STARD10: variants seen among roughly 807,000 people sequenced by gnomAD.
STARD10 encodes StAR related lipid transfer domain containing 10.
STARD10 carries 24 observed loss-of-function variants against 36.0 expected under a neutral mutation model. The observed-to-expected ratio is 0.67, with a 90% CI of 0.48 to 0.94. STARD10 has a LOEUF of 0.94. Among genes scored for constraint, STARD10 ranks in the 40% least tolerant of loss-of-function variants. The pLI is 0.00. For synonymous variants in STARD10, 156 were observed against 161.9 expected, an observed-to-expected ratio of 0.96 and a Z score of 0.28; for missense variants, 335 against 396.6, an observed-to-expected ratio of 0.84 and a Z score of 1.32.
chr11:72,781,068 C>A lies in STARD10; in HGVS notation c.114G>T (p.Glu38Asp), dbSNP rs1411430576. Reference protein sequence around the residue: ...QDFRSFRSECEAEVGWNLTYS... With the variant: ...QDFRSFRSECDAEVGWNLTYS... ...AGGTCAGGTTCCAGCCCACCTCAGCCTCACACTCTGACCGGAAGCTGCGAA... is the reference window on the plus strand; with the variant it reads ...AGGTCAGGTTCCAGCCCACCTCAGCATCACACTCTGACCGGAAGCTGCGAA... Residue 38 changes from glutamate (E) to aspartate (D), a missense_variant, in exon 2 of 7, where the codon GAG (glutamate) becomes GAT (aspartate). Coordinates refer to ENST00000334805, the MANE Select transcript of STARD10 (RefSeq NM_006645.3). This position sits in a 1 kb window ranked among gnomAD's most constrained non-coding sequence, Gnocchi z 4.7. 1.2e-6 allele frequency: 2 copies of A among 1,614,186 alleles called. No individual in the cohort carries two copies. The highest frequency in any genetic ancestry group is 1.1e-5 in the South Asian group (1 of 91,092).
chr11:72,788,003 G>T (rs533673032), intron 1 of STARD10, among the ~76,000 whole-genome samples: 7 of 147,344 alleles, frequency 4.8e-5, no homozygotes, highest in Admixed American at 2.7e-4. Flanking sequence ...GAGAGGTTTG[G>T]GGGGGGCAGC....
At chr11:72,769,835 T>C (rs1460021303) in intron 2 of STARD10, among the ~76,000 whole-genome samples, 1 of 152,192 alleles carries the variant, frequency 6.6e-6, no homozygotes, top group Non-Finnish European at 1.5e-5. Context: ...AAGAGTGACA[T>C]CACCCTAATG....
At chr11:72,772,772 C>T (rs780064316) in intron 2 of STARD10, among the ~76,000 whole-genome samples, 6 of 152,190 alleles carry the variant, frequency 3.9e-5, no homozygotes, top group Non-Finnish European at 7.3e-5. Flanking sequence ...TGAACCCCTG[C>T]CACAGGGGAG....
At chr11:72,790,557 T>C (rs937249039) in intron 1 of STARD10, among the ~76,000 whole-genome samples, 1 of 152,156 alleles carries the variant, frequency 6.6e-6, no homozygotes, top group Non-Finnish European at 1.5e-5. Context: ...CCCTGCTCCA[T>C]GAGGGGAAAC....
At chr11:72,787,733 TG>T (rs1859092154) in intron 1 of STARD10, among the ~76,000 whole-genome samples, 1 of 152,140 alleles carries the variant, frequency 6.6e-6, no homozygotes, top group Non-Finnish European at 1.5e-5. Flanking sequence ...GTGCTCAGGC[TG>T]GGTGGGGGTG....
intron 1 of STARD10, among the ~76,000 whole-genome samples, chr11:72,789,592 C>A (rs1859115983): frequency 6.6e-6 from 1 of 152,220 alleles, no homozygotes; most frequent in African/African-American, 2.4e-5. Context: ...CACAGGGGGT[C>A]TGGCCATGTC....
chr11:72,784,058 C>T (rs1462482829), intron 1 of STARD10, among the ~76,000 whole-genome samples: 1 of 152,182 alleles, frequency 6.6e-6, no homozygotes, highest in Non-Finnish European at 1.5e-5. Context: ...AGGGTATCAC[C>T]TCATTCTACT....
At chr11:72,789,596 C>T (rs761907648) in intron 1 of STARD10, among the ~76,000 whole-genome samples, 1 of 152,224 alleles carries the variant, frequency 6.6e-6, no homozygotes, top group Non-Finnish European at 1.5e-5. Flanking sequence ...GGGGGTCTGG[C>T]CATGTCTAGC....
At chr11:72,761,763 A>G (rs1858718601) in intron 2 of STARD10, among the ~76,000 whole-genome samples, 1 of 151,976 alleles carries the variant, frequency 6.6e-6, no homozygotes, top group Admixed American at 6.6e-5. Flanking sequence ...ACAAAAAAAA[A>G]GCAGCATAAC....
In STARD10 at chr11:72,759,233, C is replaced by T. The variant is rs1400885216; in HGVS notation, c.355+1G>A. The T allele has an allele frequency of 6.2e-7, 1 of 1,614,026 alleles. No individual in the cohort carries two copies. Among genetic ancestry groups the T allele is most frequent in the South Asian group, 1.1e-5 (1 of 91,048 alleles). On this transcript the variant is annotated splice_donor_variant, in intron 3 of 6. Coordinates refer to ENST00000334805, the MANE Select transcript of STARD10 (RefSeq NM_006645.3). LOFTEE classifies it high-confidence loss of function. ...GGGATCAGCGTGCTACGCCTGCTCA[C>T]AGGAGTAATAGCCCACGTCAGCGTT...
chr11:72,761,988 C>T (rs1446343953), intron 2 of STARD10, among the ~76,000 whole-genome samples: 7 of 130,194 alleles, frequency 5.4e-5, no homozygotes, highest in African/African-American at 1.2e-4. Context: ...TGCAATGACA[C>T]GATCTTGGCT....
intron 2 of STARD10, among the ~76,000 whole-genome samples, chr11:72,769,809 C>A (rs1353879429): frequency 6.6e-6 from 1 of 152,204 alleles, no homozygotes; most frequent in Non-Finnish European, 1.5e-5. Flanking sequence ...CTACCAGCAG[C>A]AGCCCCAGTT....
Position 72,759,222 on chromosome 11 carries a change from A to C in STARD10, c.355+12T>G, listed in dbSNP as rs1858685509. The C allele has an allele frequency of 1.2e-6, 2 of 1,613,706 alleles. No individual in the cohort carries two copies. Among genetic ancestry groups the C allele is most frequent in the Non-Finnish European group, 1.7e-6 (2 of 1,179,890 alleles). On this transcript the variant is annotated intron_variant, in intron 3 of 6. Coordinates refer to ENST00000334805, the MANE Select transcript of STARD10 (RefSeq NM_006645.3). ...CCAAGGGGACTGGGATCAGCGTGCT[A>C]CGCCTGCTCACAGGAGTAATAGCCC...
At chr11:72,761,310 A>G (rs1858713560) in intron 2 of STARD10, among the ~76,000 whole-genome samples, 1 of 152,188 alleles carries the variant, frequency 6.6e-6, no homozygotes, top group Non-Finnish European at 1.5e-5. Context: ...TAACAACCAC[A>G]TGTAAAGTGT....
At chr11:72,772,018 T>C (rs1858865050) in intron 2 of STARD10, among the ~76,000 whole-genome samples, 2 of 152,114 alleles carry the variant, frequency 1.3e-5, no homozygotes, top group African/African-American at 2.4e-5. Flanking sequence ...AGCTCTCCAG[T>C]AAAGTTCCAG....
intron 4 of STARD10, 60 bp from the exon 5 acceptor site, chr11:72,757,944 TGAGTATACACAAACG>T: frequency 6.8e-7 from 1 of 1,480,544 alleles, no homozygotes; most frequent in Non-Finnish European, 9.4e-7. Flanking sequence ...GATGTTTTTG[TGAGTATACACAAACG>T]CGCACGCGCA....
At chr11:72,765,768 C>T (rs942688526) in intron 2 of STARD10, among the ~76,000 whole-genome samples, 9 of 149,662 alleles carry the variant, frequency 6.0e-5, no homozygotes, top group Non-Finnish European at 5.9e-5. Flanking sequence ...GTCAGGAGTT[C>T]GAGACCAGCC....
rs569337869 is a variant in STARD10 at position 72,754,749 on chromosome 11, T to C, written c.*148A>G. ...CCGGCTGAGGCTGTGGGATCGTTTA[T>C]TGGGGCTCTGTCCAGCCAGGCTGCA... is the stretch of plus-strand genomic sequence containing the variant. On this transcript the variant is annotated 3_prime_UTR_variant, in exon 7 of 7. Coordinates refer to ENST00000334805, the MANE Select transcript of STARD10 (RefSeq NM_006645.3). 1.1e-3 allele frequency: 1,377 copies of C among 1,237,136 alleles called. 1 individual carries two copies. The highest frequency in any genetic ancestry group is 1.3e-3 in the Non-Finnish European group (1,156 of 880,552). 76.6% of individuals were successfully genotyped at this position (1,237,136 alleles called of 1,614,324 possible).
intron 1 of STARD10, among the ~76,000 whole-genome samples, chr11:72,788,346 G>A (rs149873996): frequency 2.6e-5 from 4 of 152,268 alleles, no homozygotes; most frequent in Non-Finnish European, 4.4e-5. Flanking sequence ...GTGCAGAGCC[G>A]TGTGTGAGTG....
Sources: allele counts gnomAD v4.1 joint callset (sites outside exome capture counted in the v4.1 genomes callset), GRCh38; gene constraint gnomAD v4.1.1; non-coding constraint Gnocchi (gnomAD v3.1); transcripts MANE v1.5; gene names NCBI Gene and HGNC (gene_info 2026-07-23, HGNC 2026-07-21).